Variants in RPS6KA2 observed in about 807,000 individuals in gnomAD.
RPS6KA2 encodes ribosomal protein S6 kinase alpha-2.
In RPS6KA2, 42 loss-of-function variants were observed where a neutral mutation model predicts 91.8. The observed-to-expected ratio is 0.46, with a 90% confidence interval of 0.36 to 0.59. RPS6KA2 has a LOEUF of 0.59. RPS6KA2 is among the 20% of genes least tolerant of loss of function. The pLI is 0.00. For synonymous variants in RPS6KA2, 414 were observed against 393.6 expected, an observed-to-expected ratio of 1.05 and a Z score of -0.61; for missense variants, 798 against 978.5, an observed-to-expected ratio of 0.82 and a Z score of 2.46.
At chr6:166,538,942 T>G (rs1465263498) in intron 1 of RPS6KA2, among the ~76,000 whole-genome samples, 158 bp from the exon 2 acceptor site, 1 of 150,862 alleles carries the variant, frequency 6.6e-6, no homozygotes, top group Non-Finnish European at 1.5e-5. Flanking sequence ...GTTTTTTTCT[T>G]TTTTTTTTCT....
intron 2 of RPS6KA2, among the ~76,000 whole-genome samples, chr6:166,800,229 A>G (rs918058813): frequency 6.6e-6 from 1 of 152,198 alleles, no homozygotes; most frequent in African/African-American, 2.4e-5. Context: ...ACGTACCAGG[A>G]GGCCGGCAAA....
At chr6:166,535,452 C>T (rs1377920993) in intron 2 of RPS6KA2, among the ~76,000 whole-genome samples, 1 of 152,184 alleles carries the variant, frequency 6.6e-6, no homozygotes, top group African/African-American at 2.4e-5. Flanking sequence ...TCAGAGAAAG[C>T]AAGGATTTTT....
At chr6:166,722,008 T>G (rs1790191108) in intron 2 of RPS6KA2, among the ~76,000 whole-genome samples, 1 of 152,234 alleles carries the variant, frequency 6.6e-6, no homozygotes, top group Non-Finnish European at 1.5e-5. Flanking sequence ...TCCACTTTAT[T>G]TGGAATGTCA....
At chr6:166,586,311 T>C in intron 1 of RPS6KA2, 3 of 1,599,212 alleles carry the variant, frequency 1.9e-6, no homozygotes, top group South Asian at 2.2e-5. Flanking sequence ...TTGCAACCGA[T>C]TGCCTCTGTT....
chr6:166,451,332 C>CGTTT (rs1779910170), intron 12 of RPS6KA2, 99 bp from the exon 13 acceptor site: 14 of 922,264 alleles, frequency 1.5e-5, no homozygotes, highest in Non-Finnish European at 1.5e-5. Flanking sequence ...TGTGCAAGTC[C>CGTTT]GTGTGTGTGT....
In RPS6KA2 at chr6:166,518,393, C is replaced by T. The variant is rs578131873; in HGVS notation, c.299-8036G>A. On this transcript the variant is annotated intron_variant, in intron 3 of 20. Transcript: ENST00000265678. ...AGTAAACATAGTTACAAAATATTTA[C>T]AAATTGGCCATTCAAAAAGATTATA... is the stretch of plus-strand genomic sequence containing the variant. 2.0e-5 allele frequency among the ~76,000 whole-genome samples: 3 copies of T among 150,408 alleles called. No homozygotes were observed. In the South Asian group the frequency reaches 6.3e-4, roughly 32 times the overall value.
intron 2 of RPS6KA2, among the ~76,000 whole-genome samples, chr6:166,801,060 G>GA (rs776478924): frequency 9.2e-5 from 14 of 152,140 alleles, no homozygotes; most frequent in Non-Finnish European, 1.5e-5. Flanking sequence ...AGAAGACAAA[G>GA]AAAAAAATTT....
At chr6:166,830,785 T>A (rs1780165136) in intron 2 of RPS6KA2, among the ~76,000 whole-genome samples, 1 of 152,204 alleles carries the variant, frequency 6.6e-6, no homozygotes, top group Admixed American at 6.5e-5. Flanking sequence ...GCCTTAGCTG[T>A]CATCTCCATG....
intron 2 of RPS6KA2, among the ~76,000 whole-genome samples, chr6:166,779,187 C>T (rs985514037): frequency 6.6e-6 from 1 of 152,112 alleles, no homozygotes; most frequent in Non-Finnish European, 1.5e-5. Flanking sequence ...TTTTTCCTAC[C>T]GTGATGTTCT....
intron 2 of RPS6KA2, among the ~76,000 whole-genome samples, chr6:166,850,669 C>CGTCCTCCTCAGGAAAGCTCT (rs1780717055): frequency 6.6e-6 from 1 of 152,212 alleles, no homozygotes; most frequent in Non-Finnish European, 1.5e-5. Context: ...TGAGCCCCTG[C>CGTCCTCCTCAGGAAAGCTCT]GTCCTCCTCA....
At chr6:166,722,899 C>T (rs771720294) in intron 2 of RPS6KA2, among the ~76,000 whole-genome samples, 3 of 152,208 alleles carry the variant, frequency 2.0e-5, no homozygotes, top group Admixed American at 2.0e-4. Context: ...TTGCACAGCT[C>T]CCTCTCCGAG....
intron 2 of RPS6KA2, among the ~76,000 whole-genome samples, chr6:166,846,496 A>G (rs1449304220): frequency 6.6e-6 from 1 of 152,246 alleles, no homozygotes; most frequent in Non-Finnish European, 1.5e-5. Flanking sequence ...CAGCATATCA[A>G]AAAGATAATC....
chr6:166,485,651 T>C (rs1423004741), intron 10 of RPS6KA2, among the ~76,000 whole-genome samples: 1 of 152,178 alleles, frequency 6.6e-6, no homozygotes, highest in Admixed American at 6.5e-5. Context: ...TCAACTTGCA[T>C]CTGTCTCCAA....
chr6:166,578,453 T>C (rs931624545), intron 1 of RPS6KA2, among the ~76,000 whole-genome samples: 1 of 152,242 alleles, frequency 6.6e-6, no homozygotes, highest in East Asian at 1.9e-4. Flanking sequence ...GGCAAGCACC[T>C]TAGCCCTCCG....
At chr6:166,792,392 C>T (rs1779113008) in intron 2 of RPS6KA2, among the ~76,000 whole-genome samples, 1 of 151,842 alleles carries the variant, frequency 6.6e-6, no homozygotes, top group Non-Finnish European at 1.5e-5. Flanking sequence ...AGTCCAGGAC[C>T]AGATGGATTC....
intron 12 of RPS6KA2, among the ~76,000 whole-genome samples, chr6:166,457,112 A>G (rs1780130025): frequency 6.6e-6 from 1 of 152,258 alleles, no homozygotes; most frequent in Non-Finnish European, 1.5e-5. Flanking sequence ...CATTTTAAAC[A>G]CACAGCCCCA....
chr6:166,462,255 T>G (rs1008289187), intron 11 of RPS6KA2, among the ~76,000 whole-genome samples: 1 of 152,174 alleles, frequency 6.6e-6, no homozygotes, highest in Non-Finnish European at 1.5e-5. Context: ...CCCCTCCCCA[T>G]GGAACCCCCG....
At chr6:166,474,544 T>G (rs943524983) in intron 10 of RPS6KA2, among the ~76,000 whole-genome samples, 16 of 152,190 alleles carry the variant, frequency 1.1e-4, no homozygotes, top group Non-Finnish European at 1.9e-4. Context: ...TAGAAAGCTG[T>G]CAGCTTTGGA....
At chr6:166,787,886 C>T (rs1315604867) in intron 2 of RPS6KA2, among the ~76,000 whole-genome samples, 4 of 143,244 alleles carry the variant, frequency 2.8e-5, no homozygotes, top group Non-Finnish European at 4.5e-5. Context: ...ACTGAACAGG[C>T]AACCTAAGGA....
Sources: gnomAD v4.1 joint callset for allele counts (sites outside exome capture counted in the v4.1 genomes callset) on GRCh38, gnomAD v4.1.1 for gene constraint, MANE v1.5 for transcripts, NCBI Gene and HGNC (gene_info 2026-07-23, HGNC 2026-07-21) for gene names.